UPF1: variants seen among roughly 807,000 people sequenced by gnomAD.
UPF1 encodes the protein UPF1 RNA helicase and ATPase, also known as regulator of nonsense transcripts 1.
In UPF1, 9 loss-of-function variants were observed where a neutral mutation model predicts 129.2. The ratio of observed to expected loss-of-function variants is 0.07; its 90% CI spans 0.04 to 0.12. The LOEUF (loss-of-function observed/expected upper bound fraction) is 0.12. UPF1 is among the 10% of genes least tolerant of loss of function. The pLI, the probability that UPF1 is intolerant of heterozygous loss-of-function variation, is 1.00. For synonymous variants in UPF1, 649 were observed against 644.9 expected (o/e 1.01, Z -0.10); for missense variants, 788 against 1,525.3 (o/e 0.52, Z 8.05).
intron 1 of UPF1, among the ~76,000 whole-genome samples, chr19:18,842,669 C>T (rs2145939385): frequency 6.6e-6 from 1 of 152,060 alleles, no homozygotes; most frequent in Admixed American, 6.5e-5. Context: ...CCTATTCCCT[C>T]CCCTTTTTTT....
chr19:18,841,816 A>G (rs978287117), intron 1 of UPF1, among the ~76,000 whole-genome samples: 2 of 151,796 alleles, frequency 1.3e-5, no homozygotes, highest in African/African-American at 2.4e-5. Flanking sequence ...CCTCACGCGG[A>G]CTCTAGCACA....
intron 1 of UPF1, among the ~76,000 whole-genome samples, chr19:18,843,272 A>G (rs1442471663): frequency 6.6e-6 from 1 of 152,210 alleles, no homozygotes; most frequent in Non-Finnish European, 1.5e-5. Flanking sequence ...GGAGCAGGAC[A>G]GACAATGCCC....
rs1405971570 is a variant in UPF1, at chr19:18,852,525, C to T, written c.972+229C>T. Among the ~76,000 whole-genome samples the T allele has an allele frequency of 5.3e-5, 8 of 152,356 alleles. 2 individuals are homozygous for T. Among genetic ancestry groups the T allele is most frequent in the African/African-American group, 1.9e-4 (8 of 41,576 alleles). ...TGTTTTCTGTTTAAATCCAACACAT[C>T]TTTCCCAGTGGGGTCCACAGCTTTG... On this transcript the variant is annotated intron_variant, in intron 6 of 23. Coordinates refer to ENST00000262803, the MANE Select transcript of UPF1 (RefSeq NM_002911.4).
intron 1 of UPF1, among the ~76,000 whole-genome samples, chr19:18,841,068 C>T (rs2055535952): frequency 6.6e-6 from 1 of 152,230 alleles, no homozygotes; most frequent in East Asian, 1.9e-4. Context: ...AGCTGCGCTG[C>T]CTGCACCGTC....
chr19:18,846,806 C>G (rs556002737), intron 2 of UPF1, among the ~76,000 whole-genome samples: 2 of 152,196 alleles, frequency 1.3e-5, no homozygotes, highest in African/African-American at 4.8e-5. Context: ...CTGGCTAACA[C>G]GGTGAAACCC....
chr19:18,863,425 G>A lies in UPF1; in HGVS notation c.2601-13G>A, dbSNP rs377704891. 41 of 1,610,230 alleles carry A rather than the reference G, an allele frequency of 2.5e-5. No individual in the cohort carries two copies. Among genetic ancestry groups the A allele is most frequent in the Non-Finnish European group, 3.2e-5 (38 of 1,177,004 alleles). ...TCTCCACCTGCGTCCTCAGCACTGCGCCCTTGTTGCAGGTATGGCGTCATC... is the reference window on the plus strand; with the variant it reads ...TCTCCACCTGCGTCCTCAGCACTGCACCCTTGTTGCAGGTATGGCGTCATC... On this transcript the variant is annotated splice_polypyrimidine_tract_variant and intron_variant, in intron 18 of 23. Transcript: ENST00000262803.
At position 18,867,117 on chromosome 19, in the gene UPF1, T is replaced by C. The variant is rs1200831800; in HGVS notation, c.*600T>C. ...AAAGGAGTACTGAAGAATACTTTCC[T>C]AAGTTTGTCTGTAAAATCTTAGCGG... On this transcript the variant is annotated 3_prime_UTR_variant, in exon 24 of 24. Transcript: ENST00000262803. The C allele has an allele frequency of 1.3e-5, 2 of 152,628 alleles. No homozygotes were observed. The highest frequency in any genetic ancestry group is 4.8e-5 in the African/African-American group (2 of 41,476). The allele number at this position is 152,628 out of a possible 1,614,324, so 9.5% of individuals were successfully genotyped here. A position where few individuals can be genotyped will look rare whatever the true frequency, so the allele number is the denominator to read the frequency against.
intron 1 of UPF1, among the ~76,000 whole-genome samples, chr19:18,844,871 T>C (rs1465405831): frequency 6.6e-6 from 1 of 152,264 alleles, no homozygotes; most frequent in African/African-American, 2.4e-5. Flanking sequence ...TCTTGAAACT[T>C]TTCAGAGAGT....
chr19:18,856,780 A>G (rs2055723004), intron 13 of UPF1, 97 bp from the exon 14 acceptor site: 5 of 1,474,572 alleles, frequency 3.4e-6, no homozygotes, highest in Non-Finnish European at 4.5e-6. Flanking sequence ...AGGGAGGGTG[A>G]GAAACAGGAG....
intron 6 of UPF1, 32 bp downstream of exon 6, chr19:18,852,328 G>GGGCTCT: frequency 6.2e-7 from 1 of 1,608,602 alleles, no homozygotes; most frequent in Non-Finnish European, 8.5e-7. Context: ...GGCCTGGGGT[G>GGGCTCT]GGCTCTGGCT....
Position 18,866,032 on chromosome 19 carries a change from C to G in UPF1, c.3238-12C>G. On this transcript the variant is annotated splice_polypyrimidine_tract_variant and intron_variant, in intron 22 of 23. Transcript: ENST00000262803. The stretch of plus-strand genomic sequence containing the variant: ...GCCTGTGGCTTGCTTACCTCCTGAC[C>G]TTGTCTTTCAGGACAGTTACCTTGG... 3 of 1,613,372 alleles carry G rather than the reference C, an allele frequency of 1.9e-6. No individual in the cohort carries two copies. The highest frequency in any genetic ancestry group is 2.5e-6 in the Non-Finnish European group (3 of 1,179,902).
chr19:18,848,017 C>G, intron 3 of UPF1, 184 bp downstream of exon 3: 2 of 558,718 alleles, frequency 3.6e-6, no homozygotes, highest in Non-Finnish European at 6.3e-6. Flanking sequence ...TGTATTTACC[C>G]TTGATTTATT....
rs566921238 is a variant in UPF1, at chr19:18,831,971, A to G, written c.-239A>G. 510 of 264,500 alleles carry G rather than the reference A, an allele frequency of 1.9e-3. 1 individual carries two copies. The highest frequency in any genetic ancestry group is 2.7e-3 in the Non-Finnish European group (380 of 141,672). The allele number at this position is 264,500 out of a possible 1,614,324, so 16.4% of individuals were successfully genotyped here. A position where few individuals can be genotyped will look rare whatever the true frequency, so the allele number is the denominator to read the frequency against. ...CGGCGGTGGCGGCAGTTCCTGCTCT[A>G]GGCTGCGAGCGGCTGGCGGCTTCGA... On this transcript the variant is annotated 5_prime_UTR_variant, in exon 1 of 24. Transcript: ENST00000262803.
intron 1 of UPF1, among the ~76,000 whole-genome samples, chr19:18,845,669 T>C (rs1350805580): frequency 1.3e-5 from 2 of 152,076 alleles, no homozygotes; most frequent in Non-Finnish European, 2.9e-5. Flanking sequence ...GTCACCCTGC[T>C]CCTTGTGGTC....
intron 1 of UPF1, among the ~76,000 whole-genome samples, chr19:18,843,616 T>G (rs1393853755): frequency 2.7e-5 from 4 of 149,486 alleles, no homozygotes; most frequent in African/African-American, 7.4e-5. Context: ...CCTCCTGGGT[T>G]CAAGCGATTC....
intron 2 of UPF1, among the ~76,000 whole-genome samples, chr19:18,847,316 C>T (rs111557075): frequency 2.6e-5 from 4 of 152,322 alleles, no homozygotes; most frequent in South Asian, 2.1e-4. Flanking sequence ...GCTTGGGCTT[C>T]GGGGCCTGAG....
At chr19:18,864,664 C>A (rs893240400) in intron 20 of UPF1, among the ~76,000 whole-genome samples, 6 of 150,086 alleles carry the variant, frequency 4.0e-5, no homozygotes, top group Non-Finnish European at 8.9e-5. Context: ...CTCAAGCAGT[C>A]CTTCTGCTCA....
At position 18,860,362 on chromosome 19, in the gene UPF1, C is replaced by T. The variant is rs1045329827; in HGVS notation, c.2224C>T (p.Pro742Ser). 6.2e-7 allele frequency: 1 copy of T among 1,614,138 alleles called. No individual in the cohort carries two copies. Among genetic ancestry groups the T allele is most frequent in the Non-Finnish European group, 8.5e-7 (1 of 1,180,038 alleles). Residue 742 changes from proline (P) to serine (S), a missense_variant, in exon 16 of 24, where the codon CCC becomes TCC. Physicochemically the swap from Pro to Ser is moderately conservative, Grantham distance 74 (BLOSUM62 -1). This residue lies in a region of UPF1 where 140 missense variants were observed against 385.9 expected (regional missense o/e 0.36). Coordinates refer to ENST00000262803, the MANE Select transcript of UPF1 (RefSeq NM_002911.4). ...KKGFDFQWPQ[P>S]DKPMFFYVTQ... ...GGGATTTGACTTCCAGTGGCCCCAA[C>T]CCGATAAACCGATGTTCTTCTACGT...
Position 18,850,441 on chromosome 19 carries a change from T to C in UPF1, c.629+199T>C, listed in dbSNP as rs1342505989. 6.6e-6 allele frequency among the ~76,000 whole-genome samples: 1 copy of C among 152,264 alleles called. No individual in the cohort carries two copies. Among genetic ancestry groups the C allele is most frequent in the African/African-American group, 2.4e-5 (1 of 41,466 alleles). ...GAGTCGGCAGTGCCGTGTAACTCTT[T>C]TGGGGCGTTCTGGCTAAGTCATAAA... On this transcript the variant is annotated intron_variant, in intron 4 of 23. Transcript: ENST00000262803. The surrounding 1 kb of genome is among the most constrained non-coding windows in gnomAD (Gnocchi z 7.1).
Sources: allele counts gnomAD v4.1 joint callset (sites outside exome capture counted in the v4.1 genomes callset), GRCh38; gene constraint gnomAD v4.1.1; regional missense constraint gnomAD v4.1.1; non-coding constraint Gnocchi (gnomAD v3.1); transcripts MANE v1.5; gene names NCBI Gene and HGNC (gene_info 2026-07-23, HGNC 2026-07-21).